DIS3: variants seen among roughly 807,000 people sequenced by gnomAD.
The protein encoded by DIS3 is exosome complex exonuclease RRP44.
A neutral mutation model predicts 113.0 loss-of-function variants in DIS3; 103 were observed. The ratio of observed to expected loss-of-function variants is 0.91; its 90% CI spans 0.78 to 1.07. DIS3 has a LOEUF of 1.07. Among genes scored for constraint, DIS3 ranks in the 50% least tolerant of loss-of-function variants. The pLI is 0.00. For synonymous variants in DIS3, 402 were observed against 394.3 expected (o/e 1.02, Z -0.23); for missense variants, 1,121 against 1,167.1 (o/e 0.96, Z 0.58).
chr13:72,773,604 TTG>T, intron 8 of DIS3, 78 bp downstream of exon 8: 1 of 1,433,662 alleles, frequency 7.0e-7, no homozygotes, highest in African/African-American at 1.4e-5. Context: ...TAAAAGTAGA[TTG>T]TTTTTATTAA....
rs1055754500 is a variant in DIS3 at position 72,757,848 on chromosome 13, G to C, written c.*1947C>G. On this transcript the variant is annotated 3_prime_UTR_variant, in exon 21 of 21. Coordinates refer to ENST00000377767, the MANE Select transcript of DIS3 (RefSeq NM_014953.5). ...GGTCAACAATGGCCAAATATACGAT[G>C]ATGATCCCGTAAGATTACAATGGAG... 1 of 209,328 alleles carries C rather than the reference G, an allele frequency of 4.8e-6. No homozygotes were observed. The highest frequency in any genetic ancestry group is 9.7e-6 in the Non-Finnish European group (1 of 102,874). 13.0% of individuals were successfully genotyped at this position (209,328 alleles called of 1,614,324 possible).
At chr13:72,781,541 T>A in intron 1 of DIS3, 64 bp downstream of exon 1, 1 of 1,460,480 alleles carries the variant, frequency 6.8e-7, no homozygotes, top group South Asian at 1.4e-5. Flanking sequence ...TGGGCCTCAG[T>A]TTCCCTGTCA....
Position 72,753,613 on chromosome 13 carries a change from T to A in DIS3, c.*6182A>T. The A allele has an allele frequency of 1.4e-6, 2 of 1,427,914 alleles. No individual in the cohort carries two copies. Among genetic ancestry groups the A allele is most frequent in the South Asian group, 1.3e-5 (1 of 76,710 alleles). 88.5% of individuals were successfully genotyped at this position (1,427,914 alleles called of 1,614,324 possible). A position where few individuals can be genotyped will look rare whatever the true frequency, so the allele number is the denominator to read the frequency against. On this transcript the variant is annotated 3_prime_UTR_variant, in exon 21 of 21. Coordinates refer to ENST00000377767, the MANE Select transcript of DIS3 (RefSeq NM_014953.5). ...ATCATTCAGATGTAGTGAATGAGAG[T>A]TTATAGTGGTTTACTTATTTAAATA... is the stretch of plus-strand genomic sequence containing the variant.
rs1180150855 is a variant in DIS3, at chr13:72,771,144, C to T, written c.1607G>A (p.Arg536Lys). ...AAGCAACTCTGGAACCATGTCAATC[C>T]TCTGCAAAAGATAAAAATAGAACCA... is the stretch of plus-strand genomic sequence containing the variant. ...RGTTVYLCEKRIDMVPELLSS... is the reference protein window; with the variant it reads ...RGTTVYLCEKKIDMVPELLSS... The change falls in exon 12 of 21, where the codon AGG becomes AAG. Residue 536 changes from arginine to lysine, a missense_variant and splice_region_variant. Coordinates refer to ENST00000377767, the MANE Select transcript of DIS3 (RefSeq NM_014953.5). The T allele has an allele frequency of 1.2e-6, 2 of 1,612,760 alleles. No homozygotes were observed. Among genetic ancestry groups the T allele is most frequent in the Non-Finnish European group, 1.7e-6 (2 of 1,179,290 alleles).
At position 72,773,734 on chromosome 13, in the gene DIS3, T is replaced by C. The variant is rs1240260722; in HGVS notation, c.1189A>G (p.Arg397Gly). Residue 397 changes from arginine (R) to glycine (G), a missense_variant, in exon 8 of 21, where the codon AGA becomes GGA. Around this residue, in one of 3 missense-constraint regions of DIS3, gnomAD observed 861 missense variants for 915.5 expected, o/e 0.94. Transcript: ENST00000377767. ...CAACCATCAATAGCAACAATAATTCTCCGTCCTTCTAATGTGGAAGCCTGT... is the reference window on the plus strand; with the variant it reads ...CAACCATCAATAGCAACAATAATTCCCCGTCCTTCTAATGTGGAAGCCTGT... ...TRQASTLEGR[R>G]IIVAIDGWPR... 3 of 1,614,002 alleles carry C rather than the reference T, an allele frequency of 1.9e-6. No homozygotes were observed. Among genetic ancestry groups the C allele is most frequent in the East Asian group, 2.2e-5 (1 of 44,850 alleles).
chr13:72,754,013 CA>C lies in DIS3; in HGVS notation c.*5781del, dbSNP rs1203173957. On this transcript the variant is annotated 3_prime_UTR_variant, in exon 21 of 21. Transcript: ENST00000377767. ...GAATACACAAGTATCTTACATACTA[CA>C]AAGTGTGCAAAGGTAGCGTGTATTT... The C allele has an allele frequency of 3.1e-5, 17 of 540,836 alleles. No homozygotes were observed. In the Admixed American group the frequency reaches 4.9e-4, roughly 16 times the overall value. 33.5% of individuals were successfully genotyped at this position (540,836 alleles called of 1,614,324 possible). A position where few individuals can be genotyped will look rare whatever the true frequency, so the allele number is the denominator to read the frequency against.
At chr13:72,770,769 CTCT>C in intron 13 of DIS3, 132 bp downstream of exon 13, 1 of 413,244 alleles carries the variant, frequency 2.4e-6, no homozygotes, top group Non-Finnish European at 4.2e-6. Context: ...TACATAACAT[CTCT>C]TTTCAAATAT....
intron 13 of DIS3, among the ~76,000 whole-genome samples, chr13:72,770,065 T>C (rs957703433): frequency 6.6e-6 from 1 of 152,156 alleles, no homozygotes; most frequent in Non-Finnish European, 1.5e-5. Flanking sequence ...ATCATTTCTG[T>C]GAGAAAATGT....
rs139297727 is a variant in DIS3 at position 72,780,753 on chromosome 13, CT to C, written c.386+92del. ...ATAAGGTATGAAATCTATCACTTATCTTCTGACAATGTCATAAATTACTCAC... is the reference window on the plus strand; with the variant it reads ...ATAAGGTATGAAATCTATCACTTATCTCTGACAATGTCATAAATTACTCAC... On this transcript the variant is annotated intron_variant, in intron 2 of 20. Coordinates refer to ENST00000377767, the MANE Select transcript of DIS3 (RefSeq NM_014953.5). 1.2e-4 allele frequency: 148 copies of C among 1,196,026 alleles called. No homozygotes were observed. The African/African-American group carries it at 2.1e-3, about 17-fold the overall frequency. The allele number at this position is 1,196,026 out of a possible 1,614,324, so 74.1% of individuals were successfully genotyped here.
Position 72,753,608 on chromosome 13 carries a change from G to T in DIS3, c.*6187C>A, listed in dbSNP as rs1270423950. On this transcript the variant is annotated 3_prime_UTR_variant, in exon 21 of 21. Coordinates refer to ENST00000377767, the MANE Select transcript of DIS3 (RefSeq NM_014953.5). ...TTAGGATCATTCAGATGTAGTGAAT[G>T]AGAGTTTATAGTGGTTTACTTATTT... 1.4e-6 allele frequency: 2 copies of T among 1,383,432 alleles called. No homozygotes were observed. The highest frequency in any genetic ancestry group is 2.0e-6 in the Non-Finnish European group (2 of 1,004,694). The allele number at this position is 1,383,432 out of a possible 1,614,324, so 85.7% of individuals were successfully genotyped here.
chr13:72,768,877 A>T lies in DIS3; in HGVS notation c.1791T>A (p.Ile597=), dbSNP rs747698999. The T allele has an allele frequency of 1.2e-6, 2 of 1,603,528 alleles. No individual in the cohort carries two copies. Residue 597 remains isoleucine, a synonymous_variant, in exon 14 of 21, where the codon ATT becomes ATA. Coordinates refer to ENST00000377767, the MANE Select transcript of DIS3 (RefSeq NM_014953.5). Reference sequence around the variant, plus strand: ...TATCATCATTCATGTTTGCTGAATCAATTCTCAACTGAGCTTCAGCATACG... The same window carrying T: ...TATCATCATTCATGTTTGCTGAATCTATTCTCAACTGAGCTTCAGCATACG... ...SLTYAEAQLR[I]DSANMNDDIT...
chr13:72,768,746 T>C (rs2033813190), intron 14 of DIS3, 39 bp downstream of exon 14: 1 of 1,444,926 alleles, frequency 6.9e-7, no homozygotes, highest in South Asian at 1.2e-5. Flanking sequence ...ATGTAAAGAG[T>C]ATAAAAATTA....
Position 72,768,727 on chromosome 13 carries a change from G to A in DIS3, c.1883+58C>T, listed in dbSNP as rs1216230375. 4 of 1,313,690 alleles carry A rather than the reference G, an allele frequency of 3.0e-6. No homozygotes were observed. The East Asian group carries it at 9.7e-5, about 32-fold the overall frequency. 81.4% of individuals were successfully genotyped at this position (1,313,690 alleles called of 1,614,324 possible). A position where few individuals can be genotyped will look rare whatever the true frequency, so the allele number is the denominator to read the frequency against. ...TTTTAAATAATTCATCATTGCCTAT[G>A]ATCAAACAATGTAAAGAGTATAAAA... On this transcript the variant is annotated intron_variant, in intron 14 of 20. Transcript: ENST00000377767.
chr13:72,765,869 A>C (rs2033732361), intron 15 of DIS3, 103 bp downstream of exon 15: 1 of 774,516 alleles, frequency 1.3e-6, no homozygotes, highest in Non-Finnish European at 1.9e-6. Flanking sequence ...CATGACCCTA[A>C]TCATTATTTT....
chr13:72,754,904 G>T lies in DIS3; in HGVS notation c.*4891C>A, dbSNP rs2033405295. ...CTTTTTAAAATTTTTGGTAGAGACA[G>T]GGTCTCACTATGTTGCCAGGGCTAG... On this transcript the variant is annotated 3_prime_UTR_variant, in exon 21 of 21. Transcript: ENST00000377767. 2 of 373,776 alleles carry T rather than the reference G, an allele frequency of 5.4e-6. No individual in the cohort carries two copies. The highest frequency in any genetic ancestry group is 7.3e-5 in the South Asian group (2 of 27,386). 23.2% of individuals were successfully genotyped at this position (373,776 alleles called of 1,614,324 possible).
intron 13 of DIS3, among the ~76,000 whole-genome samples, chr13:72,769,638 A>G (rs1290152994): frequency 6.6e-6 from 1 of 152,164 alleles, no homozygotes; most frequent in African/African-American, 2.4e-5. Context: ...CCCCTCTGAA[A>G]AAGGTTTTAT....
At chr13:72,781,481 G>C (rs1194601645) in intron 1 of DIS3, 124 bp downstream of exon 1, 2 of 1,433,702 alleles carry the variant, frequency 1.4e-6, no homozygotes, top group East Asian at 2.5e-5. Flanking sequence ...TCGGTCCCGA[G>C]GGGGTTTCCC....
rs1194432448 is a variant in DIS3, at chr13:72,759,105, C to T, written c.*690G>A. The T allele has an allele frequency of 8.3e-5, 15 of 181,402 alleles. No individual in the cohort carries two copies. The highest frequency in any genetic ancestry group is 2.0e-4 in the South Asian group (1 of 5,062). 11.2% of individuals were successfully genotyped at this position (181,402 alleles called of 1,614,324 possible). On this transcript the variant is annotated 3_prime_UTR_variant, in exon 21 of 21. Coordinates refer to ENST00000377767, the MANE Select transcript of DIS3 (RefSeq NM_014953.5). ...TAACAAGATATAGACATTTGAATGC[C>T]AATGTCTTATTCTGGAGAGACACTG...
chr13:72,760,183 C>A (rs1383687586), intron 20 of DIS3, among the ~76,000 whole-genome samples: 1 of 152,132 alleles, frequency 6.6e-6, no homozygotes, highest in African/African-American at 2.4e-5. Flanking sequence ...GAGTTGATTT[C>A]AAGTGTGTTG....
Sources: allele counts gnomAD v4.1 joint callset (sites outside exome capture counted in the v4.1 genomes callset), GRCh38; gene constraint gnomAD v4.1.1; regional missense constraint gnomAD v4.1.1; transcripts MANE v1.5; gene names NCBI Gene and HGNC (gene_info 2026-07-23, HGNC 2026-07-21).